The following DIP2A variants were observed in gnomAD, a reference collection of about 807,000 sequenced individuals.
DIP2A encodes DIP2 acetate--CoA ligase A, also known as disco-interacting protein 2 homolog A.
DIP2A carries 85 observed loss-of-function variants against 177.4 expected under a neutral mutation model. That is an observed-to-expected ratio of 0.48 (90% CI 0.40 to 0.57). The LOEUF is 0.57. DIP2A is among the 20% of genes least tolerant of loss of function. The pLI is 0.00. For missense variants in DIP2A, 1,791 were observed against 2,100.2 expected, an observed-to-expected ratio of 0.85 and a Z score of 2.88; for synonymous variants, 886 against 881.8, an observed-to-expected ratio of 1.00 and a Z score of -0.08.
intron 1 of DIP2A, among the ~76,000 whole-genome samples, chr21:46,483,348 A>AT (rs1470388512): frequency 6.6e-6 from 1 of 151,824 alleles, no homozygotes; most frequent in Non-Finnish European, 1.5e-5. Flanking sequence ...GCAAAAAAAA[A>AT]AAAAGTCTGA....
chr21:46,525,412 C>A (rs906776388), intron 8 of DIP2A, among the ~76,000 whole-genome samples: 6 of 152,176 alleles, frequency 3.9e-5, no homozygotes, highest in African/African-American at 1.4e-4. Context: ...AGCCCTTGCC[C>A]CACTCTTCTG....
intron 12 of DIP2A, 133 bp downstream of exon 12, chr21:46,534,246 T>C: frequency 1.4e-6 from 1 of 706,810 alleles, no homozygotes; most frequent in Non-Finnish European, 2.4e-6. Flanking sequence ...ATCTCTGCCC[T>C]GGAAATACAG....
chr21:46,509,917 T>G (rs1281231086), intron 7 of DIP2A, among the ~76,000 whole-genome samples: 45 of 152,156 alleles, frequency 3.0e-4, no homozygotes, highest in Admixed American at 2.9e-3. Context: ...ACAGTGACAC[T>G]GCTGACAGCC....
intron 8 of DIP2A, among the ~76,000 whole-genome samples, chr21:46,523,092 A>AG (rs1032930922): frequency 6.7e-6 from 1 of 148,724 alleles, no homozygotes; most frequent in Non-Finnish European, 1.5e-5. Context: ...TGCCCAGCTA[A>AG]TTTTGTATTT....
intron 8 of DIP2A, among the ~76,000 whole-genome samples, chr21:46,528,550 TTTTTTTTTTTTTTTTTTTA>T (rs2059214668): frequency 8.9e-6 from 1 of 112,536 alleles, no homozygotes; most frequent in African/African-American, 3.3e-5. Context: ...TTTTTTTTTT[TTTTTTTTTTTTTTTTTTTA>T]GATAATGTCT....
intron 18 of DIP2A, among the ~76,000 whole-genome samples, chr21:46,543,510 G>A (rs1203058601): frequency 3.6e-5 from 3 of 82,460 alleles, no homozygotes; most frequent in South Asian, 6.9e-4. Context: ...TGCATGCAGC[G>A]CTCCCCCTCT....
intron 8 of DIP2A, among the ~76,000 whole-genome samples, chr21:46,516,457 T>G (rs1418083909): frequency 6.7e-6 from 1 of 150,268 alleles, no homozygotes; most frequent in African/African-American, 2.4e-5. Flanking sequence ...TTTCCTTTAT[T>G]CAAATTCTTT....
At chr21:46,460,265 TG>T (rs1601270961) in intron 1 of DIP2A, among the ~76,000 whole-genome samples, 1 of 152,254 alleles carries the variant, frequency 6.6e-6, no homozygotes, top group East Asian at 1.9e-4. Context: ...TCAGAGGTGG[TG>T]GGTGGCATTT....
chr21:46,572,211 T>C (rs1180490461), downstream of DIP2A, among the ~76,000 whole-genome samples: 1 of 152,252 alleles, frequency 6.6e-6, no homozygotes, highest in Non-Finnish European at 1.5e-5. Flanking sequence ...TGTTTTAAGC[T>C]AAATGTTTTT....
At chr21:46,562,977 C>T (rs980835291) in intron 34 of DIP2A, among the ~76,000 whole-genome samples, 4 of 152,204 alleles carry the variant, frequency 2.6e-5, no homozygotes, top group African/African-American at 7.2e-5. Flanking sequence ...CATGTACAGC[C>T]GCACTGTAAT....
intron 1 of DIP2A, among the ~76,000 whole-genome samples, chr21:46,470,763 CAA>C (rs1348605904): frequency 1.2e-4 from 13 of 108,666 alleles, no homozygotes; most frequent in Admixed American, 2.0e-4. Flanking sequence ...GACTCTGTCT[CAA>C]AAAAAAAAAA....
intron 1 of DIP2A, among the ~76,000 whole-genome samples, chr21:46,477,581 T>A (rs1239836189): frequency 7.6e-4 from 22 of 28,786 alleles, no homozygotes; most frequent in Non-Finnish European, 9.4e-4. Flanking sequence ...TTCTTTTTTT[T>A]TTTTTTTCTT....
At chr21:46,461,271 C>CAAAAAGAAAAAAAAA (rs2054279798) in intron 1 of DIP2A, among the ~76,000 whole-genome samples, 1 of 49,312 alleles carries the variant, frequency 2.0e-5, no homozygotes, top group Non-Finnish European at 3.4e-5. Context: ...CTCTTCTCAC[C>CAAAAAGAAAAAAAAA]AAAAAAAAAA....
At chr21:46,562,529 G>A (rs1202075814) in intron 34 of DIP2A, among the ~76,000 whole-genome samples, 1 of 152,186 alleles carries the variant, frequency 6.6e-6, no homozygotes, top group African/African-American at 2.4e-5. Flanking sequence ...GGTCCAGAGA[G>A]GGACCCAGCC....
intron 8 of DIP2A, among the ~76,000 whole-genome samples, chr21:46,526,070 G>A (rs1417661950): frequency 1.3e-5 from 2 of 151,452 alleles, no homozygotes; most frequent in African/African-American, 4.9e-5. Flanking sequence ...CACCACACCC[G>A]GCTAATTTTT....
Position 46,567,694 on chromosome 21 carries a change from C to T in DIP2A, c.*72C>T, listed in dbSNP as rs1051813536. On this transcript the variant is annotated 3_prime_UTR_variant, in exon 38 of 38. Coordinates refer to ENST00000417564, the MANE Select transcript of DIP2A (RefSeq NM_015151.4). ...TCCAAGGTGTGATGTGGGAAGACAC[C>T]GCAGAGCTCACTCACCGGGACTCGC... 4.5e-5 allele frequency: 68 copies of T among 1,511,796 alleles called. No homozygotes were observed. The highest frequency in any genetic ancestry group is 4.1e-4 in the East Asian group (18 of 43,628). 93.6% of individuals were successfully genotyped at this position (1,511,796 alleles called of 1,614,324 possible). A position where few individuals can be genotyped will look rare whatever the true frequency, so the allele number is the denominator to read the frequency against.
At position 46,541,818 on chromosome 21, in the gene DIP2A, A is replaced by G. The variant is rs2059830915; in HGVS notation, c.2099A>G (p.Tyr700Cys). The change falls in exon 18 of 38, where the codon TAT becomes TGT. Residue 700 changes from tyrosine to cysteine, a missense_variant. Transcript: ENST00000417564. The stretch of plus-strand genomic sequence containing the variant: ...GTCCTGTCGATGAACGGTCTAAGTT[A>G]TGGTGTTATCAGAGTGGATACTGAA... ...KAVLSMNGLS[Y>C]GVIRVDTEEK... 6.2e-7 allele frequency: 1 copy of G among 1,613,878 alleles called. No homozygotes were observed. The highest frequency in any genetic ancestry group is 1.3e-5 in the African/African-American group (1 of 74,912).
At chr21:46,580,320 A>G in the DIP2A span, among the ~76,000 whole-genome samples, 1 of 151,702 alleles carries the variant, frequency 6.6e-6, no homozygotes. Flanking sequence ...CCACTTCTTT[A>G]TTTTGAGCCT....
At chr21:46,513,831 A>G (rs1196242233) in intron 8 of DIP2A, among the ~76,000 whole-genome samples, 3 of 152,174 alleles carry the variant, frequency 2.0e-5, no homozygotes, top group Non-Finnish European at 1.5e-5. Context: ...GGAAATAAAT[A>G]TAATGCAAAT....
Sources: gnomAD v4.1 joint callset for allele counts (sites outside exome capture counted in the v4.1 genomes callset) on GRCh38, gnomAD v4.1.1 for gene constraint, MANE v1.5 for transcripts, NCBI Gene and HGNC (gene_info 2026-07-23, HGNC 2026-07-21) for gene names.